Variants in SSPN observed in about 807,000 individuals in gnomAD.
SSPN encodes the protein K-ras oncogene-associated protein.
SSPN carries 15 observed loss-of-function variants against 19.1 expected under a neutral mutation model. The ratio of observed to expected loss-of-function variants is 0.78; its 90% confidence interval spans 0.52 to 1.21. The LOEUF (loss-of-function observed/expected upper bound fraction) is 1.21. Among genes scored for constraint, SSPN ranks in the 50% most tolerant of loss-of-function variants. The probability of loss-of-function intolerance (pLI) is 0.00; values close to 1 mark genes in which losing one functional copy is unlikely to be tolerated. For missense variants in SSPN, 291 were observed against 314.0 expected (o/e 0.93, Z 0.55); for synonymous variants, 147 against 140.3 (o/e 1.05, Z -0.34).
At chr12:26,159,287 C>A (rs1944573749) in intron 1 of SSPN, among the ~76,000 whole-genome samples, 1 of 152,242 alleles carries the variant, frequency 6.6e-6, no homozygotes, top group South Asian at 2.1e-4. Context: ...ACTCTCTGCC[C>A]AGCAAATTAA....
At position 26,230,987 on chromosome 12, in the gene SSPN, G is replaced by C; in HGVS notation, c.643G>C (p.Val215Leu). 2 of 1,614,188 alleles carry C rather than the reference G, an allele frequency of 1.2e-6. No homozygotes were observed. Among genetic ancestry groups the C allele is most frequent in the Non-Finnish European group, 8.5e-7 (1 of 1,180,046 alleles). ...CCTTGTGTGCTTGTTGGCCTGCTTT[G>C]TGATGTGGAAACATAGGTACCAGGT... ...CGLVCLLACF[V>L]MWKHRYQVFY... Residue 215 changes from valine (V) to leucine (L), a missense_variant, in exon 3 of 3, where the codon GTG (valine) becomes CTG (leucine). Physicochemically the swap from Val to Leu is conservative, Grantham distance 32 (BLOSUM62 1). Coordinates refer to ENST00000242729, the MANE Select transcript of SSPN (RefSeq NM_005086.5).
At chr12:26,131,773 C>CT (rs1944398549) in intron 1 of SSPN, among the ~76,000 whole-genome samples, 2 of 152,144 alleles carry the variant, frequency 1.3e-5, no homozygotes, top group Admixed American at 1.3e-4. Flanking sequence ...TAAACAATGT[C>CT]CAGTGCTCTC....
chr12:26,172,116 T>G (rs905481460), intron 1 of SSPN, among the ~76,000 whole-genome samples: 2 of 152,236 alleles, frequency 1.3e-5, no homozygotes, highest in Admixed American at 6.5e-5. Context: ...TCACTATTGT[T>G]GCTCAGGCTG....
At chr12:26,124,753 T>C in intron 1 of SSPN, 1 of 1,614,244 alleles carries the variant, frequency 6.2e-7, no homozygotes, top group Non-Finnish European at 8.5e-7. Flanking sequence ...ACTGTCTCTC[T>C]TGCAAATGAG....
chr12:26,195,401 G>A, upstream of SSPN: 1 of 416,708 alleles, frequency 2.4e-6, no homozygotes. Context: ...AGGGACCCGC[G>A]CCGGTTTCCG....
intron 1 of SSPN, chr12:26,122,405 G>A (rs1352194989): frequency 7.7e-7 from 1 of 1,293,010 alleles, no homozygotes; most frequent in Non-Finnish European, 9.9e-7. Flanking sequence ...TCTCCAGGCC[G>A]CTCTTGTCCA....
intron 1 of SSPN, chr12:26,123,946 G>A (rs1420356694): frequency 1.2e-6 from 1 of 800,754 alleles, no homozygotes; most frequent in East Asian, 2.6e-5. Context: ...GGGAAACTCT[G>A]TACGGTATAG....
Position 26,195,858 on chromosome 12 carries a change from C to G in SSPN, c.186C>G (p.Ala62=). 2 of 1,559,572 alleles carry G rather than the reference C, an allele frequency of 1.3e-6. No individual in the cohort carries two copies. Among genetic ancestry groups the G allele is most frequent in the African/African-American group, 1.4e-5 (1 of 72,056 alleles). The part of the protein sequence containing the change: ...FPLLLALLQL[A]LGIAVTVVGF... ...TGCTGCTCGCCCTGCTGCAGCTGGCCCTGGGCATCGCCGTGACCGTGGTGG... is the reference window on the plus strand; with the variant it reads ...TGCTGCTCGCCCTGCTGCAGCTGGCGCTGGGCATCGCCGTGACCGTGGTGG... The change falls in exon 1 of 3, where the codon GCC becomes GCG. Residue 62 remains alanine, a synonymous_variant. Coordinates refer to ENST00000242729, the MANE Select transcript of SSPN (RefSeq NM_005086.5).
At chr12:26,179,783 G>A (rs1447360163) in intron 1 of SSPN, among the ~76,000 whole-genome samples, 1 of 152,180 alleles carries the variant, frequency 6.6e-6, no homozygotes, top group Admixed American at 6.5e-5. Flanking sequence ...ACCTCTTGAA[G>A]AGGCAACAGA....
chr12:26,196,769 T>C (rs1944834115), intron 1 of SSPN, among the ~76,000 whole-genome samples: 1 of 152,252 alleles, frequency 6.6e-6, no homozygotes, highest in African/African-American at 2.4e-5. Flanking sequence ...ATCGTTTTAA[T>C]CATTCTCACT....
At chr12:26,129,334 A>G (rs1407928533) in intron 1 of SSPN, among the ~76,000 whole-genome samples, 1 of 152,222 alleles carries the variant, frequency 6.6e-6, no homozygotes, top group Non-Finnish European at 1.5e-5. Context: ...TGATGCTAAA[A>G]TCAAGGCCTG....
intron 1 of SSPN, among the ~76,000 whole-genome samples, chr12:26,213,022 A>G (rs907401963): frequency 6.6e-6 from 1 of 152,038 alleles, no homozygotes; most frequent in Non-Finnish European, 1.5e-5. Context: ...GGAATTCGCC[A>G]TGGATATCTG....
intron 2 of SSPN, among the ~76,000 whole-genome samples, chr12:26,225,328 A>T (rs1945166102): frequency 6.6e-6 from 1 of 152,226 alleles, no homozygotes; most frequent in Non-Finnish European, 1.5e-5. Context: ...CAAAGGGATG[A>T]TATCTTTTAA....
intron 1 of SSPN, among the ~76,000 whole-genome samples, chr12:26,156,881 G>A (rs1993972): frequency 0.8 from 121,272 of 152,134 alleles, 52,872 homozygotes; most frequent in Non-Finnish European, 0.96. Context: ...AAACTGGCCC[G>A]TAGCATTTGA....
intron 1 of SSPN, among the ~76,000 whole-genome samples, chr12:26,127,588 T>C (rs896739192): frequency 6.6e-6 from 1 of 152,220 alleles, no homozygotes; most frequent in African/African-American, 2.4e-5. Context: ...TTTTCTGTCT[T>C]TCCTTTACAT....
At chr12:26,204,332 A>G (rs1944912552) in intron 1 of SSPN, among the ~76,000 whole-genome samples, 1 of 152,172 alleles carries the variant, frequency 6.6e-6, no homozygotes, top group Non-Finnish European at 1.5e-5. Flanking sequence ...CTTTTGTCAA[A>G]TTTCTGTAAA....
chr12:26,195,936 T>C lies in SSPN; in HGVS notation c.264T>C (p.Phe88=). 6.5e-7 allele frequency: 1 copy of C among 1,533,860 alleles called. No homozygotes were observed. The highest frequency in any genetic ancestry group is 1.4e-5 in the African/African-American group (1 of 69,942). Residue 88 remains phenylalanine, a synonymous_variant, in exon 1 of 3, where the codon TTT becomes TTC. Coordinates refer to ENST00000242729, the MANE Select transcript of SSPN (RefSeq NM_005086.5). ...CCCTGCTAGTCAGGGACACTCCATT[T>C]TGGGCTGGGATCATTGTAAGCATCA... ...SSSLLVRDTP[F]WAGIIVCLVA...
At chr12:26,161,817 C>T (rs1217927094) in intron 1 of SSPN, among the ~76,000 whole-genome samples, 1 of 152,148 alleles carries the variant, frequency 6.6e-6, no homozygotes, top group Non-Finnish European at 1.5e-5. Flanking sequence ...ACCTAGATTC[C>T]TCGCATGCGC....
intron 1 of SSPN, chr12:26,181,102 GT>G (rs1944716046): frequency 2.0e-5 from 3 of 152,106 alleles, no homozygotes; most frequent in Admixed American, 2.0e-4. Flanking sequence ...TCTCAAACAA[GT>G]TTTACTTTTG....
Sources: allele counts gnomAD v4.1 joint callset (sites outside exome capture counted in the v4.1 genomes callset), GRCh38; gene constraint gnomAD v4.1.1; transcripts MANE v1.5; gene names NCBI Gene and HGNC (gene_info 2026-07-23, HGNC 2026-07-21).